Variants in ZFP1 observed in about 807,000 individuals in gnomAD.
The protein encoded by ZFP1 is zinc finger protein 1 homolog.
Under a neutral mutation model 38.5 loss-of-function variants are expected in ZFP1, and 32 were observed. The observed-to-expected ratio is 0.83, with a 90% CI of 0.63 to 1.12. ZFP1 has a LOEUF of 1.12. ZFP1 is among the 50% of genes most tolerant of loss of function. The pLI is 0.00. For missense variants in ZFP1, 616 were observed against 480.8 expected, an observed-to-expected ratio of 1.28 and a Z score of -2.63; for synonymous variants, 245 against 168.8, an observed-to-expected ratio of 1.45 and a Z score of -3.50.
At chr16:75,153,175 G>A (rs1197440971) in intron 2 of ZFP1, among the ~76,000 whole-genome samples, 2 of 152,184 alleles carry the variant, frequency 1.3e-5, no homozygotes, top group Non-Finnish European at 2.9e-5. Flanking sequence ...TGTACATTAG[G>A]TCTGAATAAA....
chr16:75,149,676 A>T (rs2037087283), intron 1 of ZFP1, among the ~76,000 whole-genome samples: 1 of 148,222 alleles, frequency 6.7e-6, no homozygotes, highest in Non-Finnish European at 1.5e-5. Flanking sequence ...GCTCTGCCTC[A>T]GCCTCCCGAG....
Position 75,170,232 on chromosome 16 carries a change from C to G in ZFP1, c.1122C>G (p.His374Gln). The G allele has an allele frequency of 6.2e-7, 1 of 1,614,130 alleles. No individual in the cohort carries two copies. The highest frequency in any genetic ancestry group is 2.2e-5 in the East Asian group (1 of 44,874). The change falls in exon 4 of 4, where the codon CAC becomes CAG. Residue 374 changes from histidine to glutamine, a missense_variant. Physicochemically the swap from His to Gln is conservative, Grantham distance 24. Coordinates refer to ENST00000570010, the MANE Select transcript of ZFP1 (RefSeq NM_153688.4). ...RSTLRLHLRI[H>Q]TGEKPYECSE... ...CTCTTAGATTACACTTGCGAATCCACACAGGAGAGAAACCATATGAGTGTT... is the reference window on the plus strand; with the variant it reads ...CTCTTAGATTACACTTGCGAATCCAGACAGGAGAGAAACCATATGAGTGTT...
intron 2 of ZFP1, among the ~76,000 whole-genome samples, chr16:75,166,138 C>A (rs1189233407): frequency 2.6e-5 from 4 of 152,262 alleles, no homozygotes; most frequent in African/African-American, 9.6e-5. Context: ...ATTTAAACAT[C>A]GATGTCACAG....
chr16:75,166,673 T>C (rs778687447), intron 2 of ZFP1, 97 bp from the exon 3 acceptor site: 1 of 1,596,708 alleles, frequency 6.3e-7, no homozygotes, highest in African/African-American at 1.3e-5. Flanking sequence ...GTTGGTGTAA[T>C]ATATAGATTT....
chr16:75,165,280 C>G (rs1258404876), intron 2 of ZFP1, among the ~76,000 whole-genome samples: 1 of 152,178 alleles, frequency 6.6e-6, no homozygotes, highest in African/African-American at 2.4e-5. Flanking sequence ...AGTTTGTCAA[C>G]CAACTCATTC....
chr16:75,168,399 A>T (rs1018418867), intron 3 of ZFP1, among the ~76,000 whole-genome samples: 3 of 151,708 alleles, frequency 2.0e-5, no homozygotes, highest in African/African-American at 7.3e-5. Context: ...GTATCCCTTG[A>T]GCCCAGGAGG....
chr16:75,163,042 T>C (rs1431805524), intron 2 of ZFP1, among the ~76,000 whole-genome samples: 1 of 151,934 alleles, frequency 6.6e-6, no homozygotes, highest in Non-Finnish European at 1.5e-5. Context: ...CCCGAGTAGC[T>C]GGGATTACAT....
the ZFP1 span, among the ~76,000 whole-genome samples, chr16:75,129,718 G>A: frequency 6.6e-6 from 1 of 152,078 alleles, no homozygotes; most frequent in African/African-American, 2.4e-5. Flanking sequence ...GATCACCTTG[G>A]GCACATGTCA....
chr16:75,164,307 C>T (rs2037942998), intron 2 of ZFP1, among the ~76,000 whole-genome samples: 4 of 151,804 alleles, frequency 2.6e-5, no homozygotes, highest in Admixed American at 6.6e-5. Context: ...TTTTCCTTCT[C>T]TGCTTATTTC....
intron 2 of ZFP1, among the ~76,000 whole-genome samples, chr16:75,163,681 G>A (rs1047384096): frequency 6.6e-6 from 1 of 151,058 alleles, no homozygotes; most frequent in Non-Finnish European, 1.5e-5. Context: ...GCATGATCAC[G>A]GTTCACTGTA....
intron 2 of ZFP1, among the ~76,000 whole-genome samples, chr16:75,159,237 T>TC (rs1555522416): frequency 1.1e-4 from 17 of 150,610 alleles, no homozygotes; most frequent in South Asian, 6.4e-4. Context: ...ATTCCTTCCT[T>TC]CCTTCCCTTC....
chr16:75,170,369 C>G lies in ZFP1; in HGVS notation c.*35C>G. ...CAGGTCTTACTGTGGAAAACTCCTG[C>G]CAGAACTCTTCAAGCGGGTGAAAAA... is the stretch of plus-strand genomic sequence containing the variant. On this transcript the variant is annotated 3_prime_UTR_variant, in exon 4 of 4. Coordinates refer to ENST00000570010, the MANE Select transcript of ZFP1 (RefSeq NM_153688.4). 1.3e-6 allele frequency: 2 copies of G among 1,526,712 alleles called. No individual in the cohort carries two copies. Among genetic ancestry groups the G allele is most frequent in the Non-Finnish European group, 8.8e-7 (1 of 1,138,362 alleles). The allele number at this position is 1,526,712 out of a possible 1,614,324, so 94.6% of individuals were successfully genotyped here. A position where few individuals can be genotyped will look rare whatever the true frequency, so the allele number is the denominator to read the frequency against.
At chr16:75,147,476 G>A (rs1219126149), upstream of ZFP1, among the ~76,000 whole-genome samples, 19 of 146,602 alleles carry the variant, frequency 1.3e-4, no homozygotes. Context: ...TTTAAGAGAT[G>A]AGGTTTCACC....
intron 2 of ZFP1, among the ~76,000 whole-genome samples, chr16:75,160,640 C>G (rs896577396): frequency 3.7e-5 from 4 of 108,376 alleles, no homozygotes; most frequent in Non-Finnish European, 7.3e-5. Context: ...ATCTGGGTGA[C>G]AAAGCGAGAC....
the ZFP1 span, among the ~76,000 whole-genome samples, chr16:75,126,556 A>C: frequency 2.0e-5 from 3 of 152,144 alleles, no homozygotes; most frequent in South Asian, 6.2e-4. Context: ...GGCATGCGCC[A>C]CTACACCAGG....
intron 2 of ZFP1, among the ~76,000 whole-genome samples, chr16:75,155,680 T>C (rs1410894514): frequency 6.6e-6 from 1 of 152,202 alleles, no homozygotes; most frequent in East Asian, 1.9e-4. Context: ...TAGAACATTA[T>C]CTGTTCTTTA....
At chr16:75,130,249 C>A in the ZFP1 span, among the ~76,000 whole-genome samples, 48 of 152,244 alleles carry the variant, frequency 3.2e-4, no homozygotes, top group African/African-American at 1.2e-3. Flanking sequence ...GATCCGCCTG[C>A]CTCAGCCTCC....
At chr16:75,155,159 C>G (rs890912335) in intron 2 of ZFP1, among the ~76,000 whole-genome samples, 2 of 152,196 alleles carry the variant, frequency 1.3e-5, no homozygotes, top group South Asian at 2.1e-4. Context: ...GAGACAGGGT[C>G]TCGCTCTGTC....
intron 2 of ZFP1, among the ~76,000 whole-genome samples, chr16:75,154,982 A>G (rs1472820580): frequency 6.6e-6 from 1 of 151,916 alleles, no homozygotes; most frequent in Non-Finnish European, 1.5e-5. Context: ...TATTTTTAGT[A>G]GAGATGGGGT....
Sources: allele counts gnomAD v4.1 joint callset (sites outside exome capture counted in the v4.1 genomes callset), GRCh38; gene constraint gnomAD v4.1.1; transcripts MANE v1.5; gene names NCBI Gene and HGNC (gene_info 2026-07-23, HGNC 2026-07-21).